The following CCDC178 variants were observed in gnomAD, a reference collection of about 807,000 sequenced individuals.
CCDC178 encodes the protein coiled-coil domain-containing protein 178.
Under a neutral mutation model 117.4 loss-of-function variants are expected in CCDC178, and 126 were observed. The ratio of observed to expected loss-of-function variants is 1.07; its 90% confidence interval spans 0.93 to 1.24. CCDC178 has a LOEUF of 1.24. CCDC178 is among the 50% of genes most tolerant of loss of function. The pLI, the probability that CCDC178 is intolerant of heterozygous loss-of-function variation, is 0.00. For synonymous variants in CCDC178, 283 were observed against 313.4 expected (o/e 0.90, Z 1.02); for missense variants, 1,030 against 986.9 (o/e 1.04, Z -0.59).
intron 2 of CCDC178, among the ~76,000 whole-genome samples, chr18:33,418,540 C>T (rs6507023): frequency 0.81 from 122,299 of 151,908 alleles, 49,457 homozygotes; most frequent in East Asian, 1. Flanking sequence ...AGAGAGAGGG[C>T]TAAAGTATCC....
chr18:33,272,994 G>C (rs1235072637), intron 12 of CCDC178, among the ~76,000 whole-genome samples: 1 of 150,426 alleles, frequency 6.6e-6, no homozygotes, highest in African/African-American at 2.4e-5. Flanking sequence ...TGCTCTTATT[G>C]TCTTTTTTTT....
intron 15 of CCDC178, among the ~76,000 whole-genome samples, chr18:33,243,463 GATCACTATATTATACATGTATGGCAAT>G (rs2059511986): frequency 6.6e-6 from 1 of 151,734 alleles, no homozygotes. Context: ...ACCCTAATCT[GATCACTATATTATACATGTATGGCAAT>G]ATCACTATGT....
At chr18:33,357,489 T>C (rs2063072582) in intron 6 of CCDC178, among the ~76,000 whole-genome samples, 1 of 152,126 alleles carries the variant, frequency 6.6e-6, no homozygotes, top group Non-Finnish European at 1.5e-5. Context: ...CAAAAGACTT[T>C]CCTAACAGTC....
chr18:33,387,377 CA>C (rs1004700154), intron 5 of CCDC178, among the ~76,000 whole-genome samples: 2 of 151,454 alleles, frequency 1.3e-5, no homozygotes, highest in Non-Finnish European at 2.9e-5. Flanking sequence ...CATACAGAAC[CA>C]AAAAAAAGCT....
At chr18:33,295,790 T>G (rs1339243291) in intron 11 of CCDC178, among the ~76,000 whole-genome samples, 2 of 152,112 alleles carry the variant, frequency 1.3e-5, no homozygotes, top group African/African-American at 4.8e-5. Flanking sequence ...AAAATAGTGT[T>G]CTCTTGTAGA....
intron 11 of CCDC178, among the ~76,000 whole-genome samples, chr18:33,298,487 T>C (rs1393013510): frequency 6.6e-6 from 1 of 152,044 alleles, no homozygotes; most frequent in Non-Finnish European, 1.5e-5. Flanking sequence ...CTCAACATAA[T>C]ACAGGGGCCA....
At chr18:33,142,300 G>A (rs2058216635) in intron 20 of CCDC178, among the ~76,000 whole-genome samples, 1 of 152,194 alleles carries the variant, frequency 6.6e-6, no homozygotes, top group East Asian at 1.9e-4. Flanking sequence ...GATGTCAGTT[G>A]TGCCAAGGAT....
Position 33,114,124 on chromosome 18 carries a change from C to G in CCDC178, c.2239-21214G>C, listed in dbSNP as rs1018321936. Among the ~76,000 whole-genome samples the G allele has an allele frequency of 4.6e-5, 7 of 152,012 alleles. No individual in the cohort carries two copies. In the South Asian group the frequency reaches 1.5e-3, roughly 32 times the overall value. ...AGCAAATAATGTTCTGAGGCAGCTC[C>G]CCTTCCACCCTCATCTTTGCTACCC... On this transcript the variant is annotated intron_variant, in intron 20 of 22. Transcript: ENST00000383096.
intron 18 of CCDC178, 118 bp from the exon 19 acceptor site, chr18:33,215,813 C>G: frequency 1.4e-6 from 1 of 695,622 alleles, no homozygotes; most frequent in Non-Finnish European, 2.2e-6. Context: ...TGGGCCACAC[C>G]TGATGGCTCA....
intron 18 of CCDC178, among the ~76,000 whole-genome samples, chr18:33,220,543 G>T (rs2059219804): frequency 6.6e-6 from 1 of 151,968 alleles, no homozygotes; most frequent in Non-Finnish European, 1.5e-5. Context: ...TTTTGAGATT[G>T]GACAGAAGGG....
intron 21 of CCDC178, among the ~76,000 whole-genome samples, chr18:33,051,003 C>A (rs1399575781): frequency 6.6e-6 from 1 of 152,140 alleles, no homozygotes; most frequent in East Asian, 1.9e-4. Context: ...ACCTCCGCTT[C>A]TCAGGTTCAA....
chr18:33,181,505 A>C (rs187983741), intron 20 of CCDC178, among the ~76,000 whole-genome samples: 207 of 152,104 alleles, frequency 1.4e-3, no homozygotes, highest in Admixed American at 2.8e-3. Flanking sequence ...ACCTTTATTT[A>C]CTACAACATG....
intron 14 of CCDC178, among the ~76,000 whole-genome samples, chr18:33,258,736 A>G (rs1294962286): frequency 1.3e-5 from 2 of 152,304 alleles, no homozygotes; most frequent in South Asian, 4.1e-4. Flanking sequence ...AAATATAAAT[A>G]TATTTAGTCC....
In CCDC178 at chr18:33,375,185, G is replaced by A. The variant is rs72950822; in HGVS notation, c.209-4996C>T. Among the ~76,000 whole-genome samples, 893 of 152,180 alleles carry A rather than the reference G, an allele frequency of 5.9e-3. 6 individuals carry two copies. The highest frequency in any genetic ancestry group is 0.023 in the South Asian group (112 of 4,818). On this transcript the variant is annotated intron_variant, in intron 5 of 22. Transcript: ENST00000383096. Reference sequence around the variant, plus strand: ...TGGCAGAACTCAATAACCTTGTATCGTTCTCCTACTTTAACTTTTTATACT... The same window carrying A: ...TGGCAGAACTCAATAACCTTGTATCATTCTCCTACTTTAACTTTTTATACT...
intron 10 of CCDC178, among the ~76,000 whole-genome samples, chr18:33,326,291 G>A (rs553747275): frequency 6.6e-6 from 1 of 152,230 alleles, no homozygotes; most frequent in South Asian, 2.1e-4. Context: ...TACTTGTCTG[G>A]GGCCTGTCTC....
At chr18:32,996,777 C>A (rs749019521) in intron 21 of CCDC178, among the ~76,000 whole-genome samples, 53 of 151,260 alleles carry the variant, frequency 3.5e-4, no homozygotes, top group Non-Finnish European at 6.5e-4. Flanking sequence ...TGACTGCAAG[C>A]AAAATTTAAA....
In CCDC178 at chr18:33,314,061, C is replaced by T. The variant is rs890066542; in HGVS notation, c.1022+9430G>A. On this transcript the variant is annotated intron_variant, in intron 11 of 22. Transcript: ENST00000383096. The stretch of plus-strand genomic sequence containing the variant: ...TAAAAATACAAAAAAATTAGCCGGG[C>T]GTAGTGGCGGGCGCCTGTAATCCCA... Among the ~76,000 whole-genome samples, 265 of 150,276 alleles carry T rather than the reference C, an allele frequency of 1.8e-3. 1 individual carries two copies. Among genetic ancestry groups the T allele is most frequent in the African/African-American group, 6.1e-3 (248 of 40,852 alleles).
At chr18:33,185,379 A>C (rs1333007094) in intron 20 of CCDC178, among the ~76,000 whole-genome samples, 1 of 152,088 alleles carries the variant, frequency 6.6e-6, no homozygotes, top group African/African-American at 2.4e-5. Flanking sequence ...TATGGATGAA[A>C]GGGGTAAGAG....
intron 18 of CCDC178, among the ~76,000 whole-genome samples, chr18:33,217,011 T>C (rs1454920542): frequency 6.6e-6 from 1 of 152,056 alleles, no homozygotes. Context: ...CTGAAGAGTC[T>C]CCTCTTCAAA....
Sources: allele counts gnomAD v4.1 joint callset (sites outside exome capture counted in the v4.1 genomes callset), GRCh38; gene constraint gnomAD v4.1.1; transcripts MANE v1.5; gene names NCBI Gene and HGNC (gene_info 2026-07-23, HGNC 2026-07-21).